The following ABTB3 variants were observed in gnomAD, a reference collection of about 807,000 sequenced individuals.
The protein encoded by ABTB3 is ankyrin repeat- and BTB/POZ domain-containing protein 3.
chr12:107,324,494 A>G, the ABTB3 span, among the ~76,000 whole-genome samples: 178 of 152,308 alleles, frequency 1.2e-3, 2 homozygotes, highest in African/African-American at 4.2e-3. Context: ...ATAAAATAAA[A>G]TAAAATTAAG....
the ABTB3 span, among the ~76,000 whole-genome samples, chr12:107,463,294 G>A: frequency 4.0e-5 from 6 of 151,870 alleles, no homozygotes; most frequent in South Asian, 2.1e-4. Context: ...GATGATGATG[G>A]TGGTGGTGGT....
At chr12:107,341,010 G>C in the ABTB3 span, among the ~76,000 whole-genome samples, 4 of 152,178 alleles carry the variant, frequency 2.6e-5, no homozygotes, top group Admixed American at 6.5e-5. Context: ...GATGATGTGA[G>C]ATGTAATGCA....
At chr12:107,593,311 A>C in the ABTB3 span, among the ~76,000 whole-genome samples, 1 of 152,222 alleles carries the variant, frequency 6.6e-6, no homozygotes, top group African/African-American at 2.4e-5. Flanking sequence ...CTAACATACT[A>C]TCTGGCCCTT....
At chr12:107,656,024 A>G in the ABTB3 span, among the ~76,000 whole-genome samples, 2 of 152,068 alleles carry the variant, frequency 1.3e-5, no homozygotes, top group Admixed American at 6.6e-5. Flanking sequence ...ACAGTGGCTC[A>G]TGCCTGTAAT....
chr12:107,501,746 G>C, the ABTB3 span, among the ~76,000 whole-genome samples: 1 of 152,010 alleles, frequency 6.6e-6, no homozygotes, highest in African/African-American at 2.4e-5. Flanking sequence ...GAGTTTGCCT[G>C]TTCTGGAAAA....
the ABTB3 span, among the ~76,000 whole-genome samples, chr12:107,543,677 T>C: frequency 2.0e-5 from 3 of 152,060 alleles, no homozygotes; most frequent in Non-Finnish European, 4.4e-5. Context: ...GTTAGAAACA[T>C]TGGGTTCCAG....
At chr12:107,628,276 G>C in the ABTB3 span, among the ~76,000 whole-genome samples, 12 of 152,346 alleles carry the variant, frequency 7.9e-5, no homozygotes, top group South Asian at 2.1e-3. Flanking sequence ...GAGTAGCTGA[G>C]ATTAACAGGT....
the ABTB3 span, among the ~76,000 whole-genome samples, chr12:107,510,782 T>C: frequency 0.18 from 27,515 of 151,844 alleles, 3,134 homozygotes; most frequent in East Asian, 0.29. Context: ...ATTAGCTGGA[T>C]GTGGTGGTGT....
chr12:107,614,536 A>G, the ABTB3 span, among the ~76,000 whole-genome samples: 1 of 152,120 alleles, frequency 6.6e-6, no homozygotes, highest in Non-Finnish European at 1.5e-5. Context: ...ATGGCATGGT[A>G]GTGGCATCTC....
At chr12:107,600,344 G>A in the ABTB3 span, among the ~76,000 whole-genome samples, 1 of 152,192 alleles carries the variant, frequency 6.6e-6, no homozygotes, top group Non-Finnish European at 1.5e-5. Context: ...ATTTAAGTGA[G>A]CTATTATATG....
At chr12:107,615,412 T>C in the ABTB3 span, among the ~76,000 whole-genome samples, 1 of 152,228 alleles carries the variant, frequency 6.6e-6, no homozygotes, top group Non-Finnish European at 1.5e-5. Flanking sequence ...CCCATGAAGT[T>C]CTTCCTGGTT....
At chr12:107,454,360 C>A in the ABTB3 span, among the ~76,000 whole-genome samples, 4 of 152,224 alleles carry the variant, frequency 2.6e-5, no homozygotes, top group Non-Finnish European at 5.9e-5. Flanking sequence ...AAACCAACCA[C>A]GGGTGCTCTG....
the ABTB3 span, among the ~76,000 whole-genome samples, chr12:107,637,226 A>C: frequency 1.3e-5 from 2 of 152,234 alleles, no homozygotes; most frequent in Non-Finnish European, 2.9e-5. Flanking sequence ...CCATGTCTCT[A>C]CTAAAAATAC....
chr12:107,536,305 A>T, the ABTB3 span, among the ~76,000 whole-genome samples: 4 of 152,302 alleles, frequency 2.6e-5, no homozygotes, highest in East Asian at 7.7e-4. Flanking sequence ...AACATAGGGG[A>T]AATGCTTCAG....
the ABTB3 span, among the ~76,000 whole-genome samples, chr12:107,478,815 G>T: frequency 7.9e-5 from 12 of 152,010 alleles, no homozygotes; most frequent in African/African-American, 2.9e-4. Context: ...GAATGAGAAG[G>T]ATTCCCACCA....
the ABTB3 span, among the ~76,000 whole-genome samples, chr12:107,336,594 T>C: frequency 6.7e-6 from 1 of 148,576 alleles, no homozygotes; most frequent in Non-Finnish European, 1.5e-5. Flanking sequence ...GCTGGTATTG[T>C]TGGGACTGTC....
the ABTB3 span, among the ~76,000 whole-genome samples, chr12:107,344,984 T>C: frequency 6.6e-6 from 1 of 152,240 alleles, no homozygotes; most frequent in East Asian, 1.9e-4. Context: ...CATAACTTTA[T>C]GGCCAGACCT....
the ABTB3 span, among the ~76,000 whole-genome samples, chr12:107,453,597 A>G: frequency 6.6e-6 from 1 of 152,228 alleles, no homozygotes; most frequent in African/African-American, 2.4e-5. Context: ...TGCTGTTTAT[A>G]AGCCACCCAG....
the ABTB3 span, among the ~76,000 whole-genome samples, chr12:107,490,741 C>G: frequency 6.6e-6 from 1 of 152,108 alleles, no homozygotes; most frequent in African/African-American, 2.4e-5. Context: ...AAGGAGTAAC[C>G]AAGTCATAGT....
Sources: allele counts gnomAD v4.1 joint callset (sites outside exome capture counted in the v4.1 genomes callset), GRCh38; gene constraint gnomAD v4.1.1; transcripts MANE v1.5; gene names NCBI Gene and HGNC (gene_info 2026-07-23, HGNC 2026-07-21).